Variants in KIF20B observed in about 807,000 individuals in gnomAD.
KIF20B encodes kinesin-like protein KIF20B.
KIF20B carries 188 observed loss-of-function variants against 232.5 expected under a neutral mutation model. The ratio of observed to expected loss-of-function variants is 0.81; its 90% CI spans 0.72 to 0.91. The LOEUF is 0.91. KIF20B is among the 40% of genes least tolerant of loss of function. The pLI, the probability that KIF20B is intolerant of heterozygous loss-of-function variation, is 0.00. For synonymous variants in KIF20B, 712 were observed against 683.0 expected, an observed-to-expected ratio of 1.04 and a Z score of -0.66; for missense variants, 2,154 against 2,055.9, an observed-to-expected ratio of 1.05 and a Z score of -0.92.
chr10:89,744,359 C>T (rs1428669787), intron 22 of KIF20B, among the ~76,000 whole-genome samples: 2 of 152,138 alleles, frequency 1.3e-5, no homozygotes, highest in African/African-American at 4.8e-5. Flanking sequence ...GGATGTTATA[C>T]TTACTGCTTC....
At chr10:89,739,946 C>T (rs1206314104) in intron 21 of KIF20B, among the ~76,000 whole-genome samples, 3 of 151,986 alleles carry the variant, frequency 2.0e-5, no homozygotes, top group Non-Finnish European at 2.9e-5. Context: ...TGTGACTTAG[C>T]GCAATTTATT....
At position 89,754,683 on chromosome 10, in the gene KIF20B, A is replaced by C; in HGVS notation, c.4503+10A>C. On this transcript the variant is annotated intron_variant, in intron 26 of 32. Coordinates refer to ENST00000371728, the MANE Select transcript of KIF20B (RefSeq NM_001284259.2). ...GCAACAGAATGAAATGGTTAGTAAC[A>C]ATTGTATCTTTGATGTATTTCACCT... 6.6e-7 allele frequency: 1 copy of C among 1,510,662 alleles called. No homozygotes were observed. Among genetic ancestry groups the C allele is most frequent in the Non-Finnish European group, 8.9e-7 (1 of 1,128,644 alleles). The allele number at this position is 1,510,662 out of a possible 1,614,324, so 93.6% of individuals were successfully genotyped here. A position where few individuals can be genotyped will look rare whatever the true frequency, so the allele number is the denominator to read the frequency against.
intron 21 of KIF20B, among the ~76,000 whole-genome samples, chr10:89,739,964 T>A (rs1043603403): frequency 4.6e-5 from 7 of 152,274 alleles, no homozygotes; most frequent in Non-Finnish European, 8.8e-5. Context: ...ATTTAGTCTC[T>A]TGTTGATGAC....
Position 89,717,490 on chromosome 10 carries a change from CAGTG to C in KIF20B, c.1123_1124+2del, listed in dbSNP as rs758996295. 2.5e-4 allele frequency: 402 copies of C among 1,595,938 alleles called. No individual in the cohort carries two copies. Among genetic ancestry groups the C allele is most frequent in the Non-Finnish European group, 3.2e-4 (375 of 1,166,526 alleles). On this transcript the variant is annotated frameshift_variant and splice_region_variant, in exon 10 of 33. Transcript: ENST00000371728. LOFTEE classifies it high-confidence loss of function. ...CTGAAATGTCTCGTGTAATTCGAGTCAGTGAGTAAGTTGAATATTCTTTAAATTT... is the reference window on the plus strand; with the variant it reads ...CTGAAATGTCTCGTGTAATTCGAGTCAGTAAGTTGAATATTCTTTAAATTT...
At chr10:89,735,475 A>G (rs750851084) in intron 19 of KIF20B, among the ~76,000 whole-genome samples, 1 of 152,066 alleles carries the variant, frequency 6.6e-6, no homozygotes, top group Non-Finnish European at 1.5e-5. Flanking sequence ...CTCATTAAAA[A>G]GAAAAATGTA....
In KIF20B at chr10:89,715,140, C is replaced by T. The variant is rs141355354; in HGVS notation, c.898C>T (p.Leu300=). ...VSSKFQKRKM[L]RLSQDVKGYS... The stretch of plus-strand genomic sequence containing the variant: ...ATCTAAATTCCAAAAGAGAAAGATG[C>T]TGCGCCTTTCCCAAGACGTAAAGGG... The change falls in exon 8 of 33, where the codon CTG becomes TTG. Residue 300 remains leucine (L), a synonymous_variant. Coordinates refer to ENST00000371728, the MANE Select transcript of KIF20B (RefSeq NM_001284259.2). 104 of 1,605,430 alleles carry T rather than the reference C, an allele frequency of 6.5e-5. No homozygotes were observed. The African/African-American group carries it at 1.4e-3, about 22-fold the overall frequency.
At chr10:89,735,685 C>T (rs1841636448) in intron 19 of KIF20B, among the ~76,000 whole-genome samples, 1 of 151,642 alleles carries the variant, frequency 6.6e-6, no homozygotes, top group Admixed American at 6.6e-5. Flanking sequence ...TTACAGGCGC[C>T]CACCACCACA....
intron 6 of KIF20B, among the ~76,000 whole-genome samples, chr10:89,713,099 C>T (rs1360217015): frequency 1.3e-5 from 2 of 152,070 alleles, no homozygotes; most frequent in Admixed American, 6.6e-5. Context: ...GTGGTTCATG[C>T]CTGTAATCTC....
chr10:89,770,035 C>T (rs1047725737), intron 31 of KIF20B, among the ~76,000 whole-genome samples: 2 of 152,004 alleles, frequency 1.3e-5, no homozygotes, highest in Non-Finnish European at 2.9e-5. Context: ...TAATTAATTT[C>T]CATTTTGCCT....
intron 19 of KIF20B, among the ~76,000 whole-genome samples, chr10:89,735,679 A>G (rs1841636296): frequency 6.6e-6 from 1 of 151,302 alleles, no homozygotes; most frequent in Non-Finnish European, 1.5e-5. Flanking sequence ...CTGGGATTAC[A>G]GGCGCCCACC....
At chr10:89,740,020 A>G (rs940609724) in intron 21 of KIF20B, among the ~76,000 whole-genome samples, 1 of 152,158 alleles carries the variant, frequency 6.6e-6, no homozygotes, top group Admixed American at 6.5e-5. Flanking sequence ...TAATGCAAAT[A>G]TCTTCTATAT....
chr10:89,751,685 A>T (rs1312611642), intron 24 of KIF20B, among the ~76,000 whole-genome samples: 1 of 152,006 alleles, frequency 6.6e-6, no homozygotes, highest in African/African-American at 2.4e-5. Context: ...AGGACACTGC[A>T]TGATAACTTA....
Position 89,765,504 on chromosome 10 carries a change from AT to A in KIF20B, c.4989+2670del, listed in dbSNP as rs577675304. Among the ~76,000 whole-genome samples the A allele has an allele frequency of 3.2e-3, 483 of 152,246 alleles. 4 individuals carry two copies. The highest frequency in any genetic ancestry group is 0.011 in the African/African-American group (450 of 41,552). On this transcript the variant is annotated intron_variant, in intron 29 of 32. Coordinates refer to ENST00000371728, the MANE Select transcript of KIF20B (RefSeq NM_001284259.2). The stretch of plus-strand genomic sequence containing the variant: ...CAATGCCATCCCCATCAAGCTACCA[AT>A]GACTTTCTTCACAGAATTGGAAAAA...
At chr10:89,744,837 C>T (rs1379741867) in intron 22 of KIF20B, among the ~76,000 whole-genome samples, 1 of 152,046 alleles carries the variant, frequency 6.6e-6, no homozygotes, top group African/African-American at 2.4e-5. Context: ...CAATAGGATT[C>T]GAGATCTCCA....
chr10:89,766,542 C>G (rs1395029956), intron 29 of KIF20B: 1 of 152,122 alleles, frequency 6.6e-6, no homozygotes, highest in Non-Finnish European at 1.5e-5. Context: ...GCAGAAGCCT[C>G]AGGAGCCGAT....
intron 30 of KIF20B, 126 bp from the exon 31 acceptor site, chr10:89,768,612 A>G (rs1359499640): frequency 5.4e-6 from 5 of 927,248 alleles, no homozygotes; most frequent in Non-Finnish European, 8.0e-6. Flanking sequence ...CCCTGTCCTT[A>G]CATACTTAAA....
chr10:89,742,915 A>G (rs936129321), intron 21 of KIF20B, among the ~76,000 whole-genome samples: 10 of 151,772 alleles, frequency 6.6e-5, no homozygotes, highest in Admixed American at 5.9e-4. Flanking sequence ...GTTAGCCAGG[A>G]TGGTCTCGAT....
Position 89,738,285 on chromosome 10 carries a change from G to A in KIF20B, c.3444G>A (p.Ala1148=), listed in dbSNP as rs764171222. Residue 1148 remains alanine, a synonymous_variant, in exon 20 of 33, where the codon GCG becomes GCA. Coordinates refer to ENST00000371728, the MANE Select transcript of KIF20B (RefSeq NM_001284259.2). ...AGCATGTAGTTGAAGGAAAGAGAGC[G>A]CTTTCAGAACTTACACAAGGTGTTA... The part of the protein sequence containing the change: ...QIQHVVEGKR[A]LSELTQGVTC... 2.8e-5 allele frequency: 45 copies of A among 1,610,892 alleles called. No individual in the cohort carries two copies. Among genetic ancestry groups the A allele is most frequent in the Non-Finnish European group, 3.7e-5 (44 of 1,179,114 alleles).
At chr10:89,752,714 A>G in intron 25 of KIF20B, 23 bp downstream of exon 25, 3 of 1,470,380 alleles carry the variant, frequency 2.0e-6, no homozygotes, top group Non-Finnish European at 2.7e-6. Context: ...GTATGTTTTT[A>G]TGTATGAATG....
Sources: allele counts gnomAD v4.1 joint callset (sites outside exome capture counted in the v4.1 genomes callset), GRCh38; gene constraint gnomAD v4.1.1; transcripts MANE v1.5; gene names NCBI Gene and HGNC (gene_info 2026-07-23, HGNC 2026-07-21).